The following GRB14 variants were observed in gnomAD, a reference collection of about 807,000 sequenced individuals.
GRB14 encodes growth factor receptor-bound protein 14.
A neutral mutation model predicts 69.1 loss-of-function variants in GRB14; 38 were observed. That is an observed-to-expected ratio of 0.55 (90% CI 0.42 to 0.72). GRB14 has a LOEUF of 0.72. GRB14 is among the 30% of genes least tolerant of loss of function. The pLI, the probability that GRB14 is intolerant of heterozygous loss-of-function variation, is 0.00. For missense variants in GRB14, 666 were observed against 666.1 expected (o/e 1.00, Z 0.00); for synonymous variants, 247 against 241.3 (o/e 1.02, Z -0.22).
intron 3 of GRB14, among the ~76,000 whole-genome samples, chr2:164,532,980 GTGTAGGTCCCAAGTGCCCCCTCT>G (rs1228400547): frequency 2.0e-5 from 3 of 152,104 alleles, no homozygotes; most frequent in Admixed American, 6.6e-5. Context: ...TAATTGGATG[GTGTAGGTCCCAAGTGCCCCCTCT>G]TGTAGGTCCC....
chr2:164,522,917 T>C (rs1008299446), intron 5 of GRB14, among the ~76,000 whole-genome samples: 1 of 152,084 alleles, frequency 6.6e-6, no homozygotes, highest in Non-Finnish European at 1.5e-5. Flanking sequence ...GGCCCTTAAC[T>C]AGCCTGGTGA....
chr2:164,578,522 G>GCACGCACA (rs1689310054), intron 2 of GRB14, among the ~76,000 whole-genome samples: 2 of 145,588 alleles, frequency 1.4e-5, no homozygotes, highest in South Asian at 4.4e-4. Flanking sequence ...CAATTCGCGC[G>GCACGCACA]CACACACACA....
intron 6 of GRB14, among the ~76,000 whole-genome samples, chr2:164,509,792 G>GAA (rs10675642): frequency 0.011 from 925 of 85,804 alleles, 15 homozygotes; most frequent in East Asian, 0.035. Flanking sequence ...AGAAGCAGTG[G>GAA]AAAAAAAAAA....
Position 164,617,959 on chromosome 2 carries a change from T to TTGG in GRB14, c.324+1727_324+1728insCCA, listed in dbSNP as rs760744590. ...CAAGGACAAGCCAGAATCTTTTTTT[T>TTGG]GGGGGGGGGGGGGTAGTGTCAGCGG... On this transcript the variant is annotated intron_variant, in intron 2 of 13. Coordinates refer to ENST00000263915, the MANE Select transcript of GRB14 (RefSeq NM_004490.3). Among the ~76,000 whole-genome samples, 80 of 77,112 alleles carry TTGG rather than the reference T, an allele frequency of 1.0e-3. 26 individuals are homozygous for TTGG. The highest frequency in any genetic ancestry group is 1.8e-3 in the Non-Finnish European group (66 of 35,768). The allele number at this position is 77,112 out of a possible 152,430, so 50.6% of individuals were successfully genotyped here.
At chr2:164,603,786 G>A (rs1689983571) in intron 2 of GRB14, among the ~76,000 whole-genome samples, 1 of 152,026 alleles carries the variant, frequency 6.6e-6, no homozygotes, top group Non-Finnish European at 1.5e-5. Flanking sequence ...AAAATATTCT[G>A]TATCATAAGA....
At chr2:164,596,886 ATT>A (rs1689794798) in intron 2 of GRB14, among the ~76,000 whole-genome samples, 2 of 152,168 alleles carry the variant, frequency 1.3e-5, no homozygotes, top group African/African-American at 4.8e-5. Context: ...ACTATAGTTC[ATT>A]TGTCATCAAA....
chr2:164,540,565 C>T (rs1339421662), intron 3 of GRB14, among the ~76,000 whole-genome samples: 3 of 152,116 alleles, frequency 2.0e-5, no homozygotes, highest in African/African-American at 7.2e-5. Flanking sequence ...GCTGAGATTA[C>T]ACCTCTGCAC....
chr2:164,574,576 T>G (rs778729200), intron 2 of GRB14, among the ~76,000 whole-genome samples: 3 of 151,686 alleles, frequency 2.0e-5, no homozygotes. Context: ...AGACAGAAAA[T>G]GAAATCCGCA....
chr2:164,611,785 G>A (rs745700334), intron 2 of GRB14, among the ~76,000 whole-genome samples: 3 of 151,830 alleles, frequency 2.0e-5, no homozygotes, highest in Non-Finnish European at 2.9e-5. Flanking sequence ...TGTGACTCCT[G>A]TGCTCTTTGT....
intron 2 of GRB14, among the ~76,000 whole-genome samples, chr2:164,582,424 A>AT (rs67781422): frequency 1.7e-3 from 199 of 116,188 alleles, no homozygotes; most frequent in Admixed American, 3.0e-3. Flanking sequence ...TTTATTTATT[A>AT]TTTTTTTTTT....
chr2:164,587,864 G>C (rs1459557182), intron 2 of GRB14, among the ~76,000 whole-genome samples: 2 of 152,176 alleles, frequency 1.3e-5, no homozygotes, highest in Non-Finnish European at 2.9e-5. Context: ...TCACATGAAA[G>C]ACGGGGTGAA....
intron 3 of GRB14, among the ~76,000 whole-genome samples, chr2:164,529,450 A>G (rs1004755192): frequency 2.6e-5 from 4 of 152,196 alleles, no homozygotes; most frequent in African/African-American, 7.2e-5. Context: ...AAACAAAGTC[A>G]TCTACATTTT....
intron 3 of GRB14, among the ~76,000 whole-genome samples, chr2:164,547,101 C>A: frequency 6.6e-6 from 1 of 151,988 alleles, no homozygotes; most frequent in African/African-American, 2.4e-5. Context: ...ACAAAAGAAG[C>A]CAGGTAAAGA....
Position 164,492,985 on chromosome 2 carries a change from T to C in GRB14, c.*51A>G, listed in dbSNP as rs1271841961. 6.5e-7 allele frequency: 1 copy of C among 1,527,238 alleles called. No homozygotes were observed. The highest frequency in any genetic ancestry group is 2.3e-5 in the East Asian group (1 of 43,288). The allele number at this position is 1,527,238 out of a possible 1,614,324, so 94.6% of individuals were successfully genotyped here. ...GCCCTTATTTATGGTCTTTTATTAT[T>C]TTTCTTGAGTCCTTTTCCTTCAATA... On this transcript the variant is annotated 3_prime_UTR_variant, in exon 14 of 14. Coordinates refer to ENST00000263915, the MANE Select transcript of GRB14 (RefSeq NM_004490.3).
intron 12 of GRB14, 25 bp downstream of exon 12, chr2:164,496,983 T>G (rs1322496015): frequency 6.3e-7 from 1 of 1,576,412 alleles, no homozygotes; most frequent in South Asian, 1.1e-5. Flanking sequence ...TCACAAGTAC[T>G]CAAAATTAAA....
intron 2 of GRB14, among the ~76,000 whole-genome samples, chr2:164,589,367 T>C (rs1366341568): frequency 6.6e-6 from 1 of 152,140 alleles, no homozygotes; most frequent in Non-Finnish European, 1.5e-5. Flanking sequence ...AGTCCATATA[T>C]GTTGTTACAA....
At chr2:164,580,156 G>C (rs546197650) in intron 2 of GRB14, among the ~76,000 whole-genome samples, 7 of 150,872 alleles carry the variant, frequency 4.6e-5, no homozygotes, top group Admixed American at 4.0e-4. Flanking sequence ...GTGCAGTGGC[G>C]TGGTCTCGCC....
intron 3 of GRB14, among the ~76,000 whole-genome samples, chr2:164,527,547 G>A (rs1477326923): frequency 2.0e-5 from 3 of 151,674 alleles, no homozygotes; most frequent in African/African-American, 4.8e-5. Context: ...TTCAAGGTTG[G>A]ACAATTCACC....
At chr2:164,595,859 C>T (rs1319665944) in intron 2 of GRB14, among the ~76,000 whole-genome samples, 1 of 152,168 alleles carries the variant, frequency 6.6e-6, no homozygotes, top group African/African-American at 2.4e-5. Context: ...GACCCAGAGG[C>T]TCAAGCCTGT....
Sources: allele counts gnomAD v4.1 joint callset (sites outside exome capture counted in the v4.1 genomes callset), GRCh38; gene constraint gnomAD v4.1.1; transcripts MANE v1.5; gene names NCBI Gene and HGNC (gene_info 2026-07-23, HGNC 2026-07-21).